Variants in IL1RAPL2 observed in about 807,000 individuals in gnomAD.
IL1RAPL2 encodes the protein interleukin 1 receptor accessory protein like 2.
Under a neutral mutation model 44.1 loss-of-function variants are expected in IL1RAPL2, and 3 were observed. The observed-to-expected ratio is 0.07, with a 90% CI of 0.03 to 0.18. The LOEUF is 0.18. Ranked by LOEUF, IL1RAPL2 falls within the 10% of genes least tolerant of loss-of-function variation. The pLI, the probability that IL1RAPL2 is intolerant of heterozygous loss-of-function variation, is 1.00. For synonymous variants in IL1RAPL2, 181 were observed against 178.8 expected, an observed-to-expected ratio of 1.01 and a Z score of -0.10; for missense variants, 391 against 496.4, an observed-to-expected ratio of 0.79 and a Z score of 2.02.
intron 2 of IL1RAPL2, among the ~76,000 whole-genome samples, chrX:104,776,546 A>C (rs1031562400): frequency 8.9e-6 from 1 of 111,757 alleles, no homozygotes; most frequent in Non-Finnish European, 1.9e-5. Flanking sequence ...AGGATTAATT[A>C]GATTAAAGAA....
intron 2 of IL1RAPL2, among the ~76,000 whole-genome samples, chrX:104,821,388 C>A (rs974803623): frequency 1.6e-4 from 18 of 110,784 alleles, no homozygotes; most frequent in African/African-American, 5.9e-4. Flanking sequence ...AATGCTGTCC[C>A]TCCCCTTGCC....
rs1488212375 is a variant in IL1RAPL2, at chrX:105,199,078, T to C, written c.356+3330T>C. 4.5e-5 allele frequency among the ~76,000 whole-genome samples: 5 copies of C among 111,804 alleles called. No individual in the cohort carries two copies. In the South Asian group the frequency reaches 1.8e-3, roughly 41 times the overall value. On this transcript the variant is annotated intron_variant, in intron 3 of 10. Transcript: ENST00000372582. ...ACTTAAGAAGAAATATCTACATAAA[T>C]TATTTCAAATTCTTCTGCATGGAAA...
At chrX:104,973,905 T>A (rs937824307) in intron 2 of IL1RAPL2, among the ~76,000 whole-genome samples, 2 of 112,163 alleles carry the variant, frequency 1.8e-5, no homozygotes, top group Non-Finnish European at 3.8e-5. Flanking sequence ...TTGCAAAAAA[T>A]ATATTTTCTG....
rs548537617 is a variant in IL1RAPL2, at chrX:105,761,645, A to T, written c.1364-5319A>T. Among the ~76,000 whole-genome samples the T allele has an allele frequency of 1.1e-4, 12 of 111,889 alleles. No individual in the cohort carries two copies. The South Asian group carries it at 1.9e-3, about 18-fold the overall frequency. ...TATAAATTAGCTAACGTTCACCAAA[A>T]ATTAATGGAGTATTATCTGTTTTGA... On this transcript the variant is annotated intron_variant, in intron 10 of 10. Transcript: ENST00000372582.
At chrX:105,074,185 T>G (rs2032253301) in intron 2 of IL1RAPL2, among the ~76,000 whole-genome samples, 1 of 112,146 alleles carries the variant, frequency 8.9e-6, no homozygotes, top group South Asian at 3.7e-4. Flanking sequence ...GTCTAACATT[T>G]AAGTCTTCAA....
At position 104,904,404 on chromosome X, in the gene IL1RAPL2, A is replaced by C. The variant is rs1463206506; in HGVS notation, c.82+245409A>C. 3.9e-5 allele frequency among the ~76,000 whole-genome samples: 4 copies of C among 103,118 alleles called. No homozygotes were observed. In the East Asian group the frequency reaches 1.0e-3, roughly 26 times the overall value. 89.5% of individuals were successfully genotyped at this position (103,118 alleles called of 115,157 possible). On this transcript the variant is annotated intron_variant, in intron 2 of 10. Transcript: ENST00000372582. ...GCCATGCTGGTGCGCTGCACCCACT[A>C]ACTTGTCATCTAGCATTAGGTATAT...
chrX:105,568,500 G>A (rs751843332), intron 6 of IL1RAPL2, among the ~76,000 whole-genome samples: 1 of 111,952 alleles, frequency 8.9e-6, no homozygotes, highest in African/African-American at 3.2e-5. Flanking sequence ...CACCCCTGGT[G>A]TAGCTGATGG....
intron 2 of IL1RAPL2, among the ~76,000 whole-genome samples, chrX:104,889,478 C>A (rs1341730426): frequency 8.9e-6 from 1 of 111,795 alleles, no homozygotes; most frequent in Non-Finnish European, 1.9e-5. Flanking sequence ...GTCTACCCAG[C>A]CAAGGTATAT....
At position 105,480,912 on chromosome X, in the gene IL1RAPL2, A is replaced by G. The variant is rs2036229211; in HGVS notation, c.698-3401A>G. 7.1e-5 allele frequency among the ~76,000 whole-genome samples: 8 copies of G among 111,975 alleles called. No individual in the cohort carries two copies. In the South Asian group the frequency reaches 3.0e-3, roughly 42 times the overall value. The stretch of plus-strand genomic sequence containing the variant: ...TCATCACAAATGTTCTGCACTTCTT[A>G]GCAATTCTCAGGCCTAAACATGATA... On this transcript the variant is annotated intron_variant, in intron 5 of 10. Coordinates refer to ENST00000372582, the MANE Select transcript of IL1RAPL2 (RefSeq NM_017416.2).
At chrX:104,658,340 T>C (rs1317153783) in intron 1 of IL1RAPL2, among the ~76,000 whole-genome samples, 3 of 111,880 alleles carry the variant, frequency 2.7e-5, no homozygotes, top group Non-Finnish European at 5.6e-5. Flanking sequence ...CTGGAAACCA[T>C]CATTCTGAGC....
intron 2 of IL1RAPL2, among the ~76,000 whole-genome samples, chrX:104,854,237 C>T (rs1032052269): frequency 3.6e-5 from 4 of 111,469 alleles, no homozygotes; most frequent in Admixed American, 2.9e-4. Flanking sequence ...TGACTACATT[C>T]AGCTTTTCAG....
At chrX:105,360,437 C>T (rs1033141378) in intron 5 of IL1RAPL2, among the ~76,000 whole-genome samples, 2 of 110,934 alleles carry the variant, frequency 1.8e-5, no homozygotes, top group South Asian at 3.8e-4. Flanking sequence ...ATAGAGTGTA[C>T]GTTCTAGAGA....
intron 6 of IL1RAPL2, among the ~76,000 whole-genome samples, chrX:105,496,708 A>G (rs1224656431): frequency 1.8e-5 from 2 of 112,210 alleles, no homozygotes; most frequent in Non-Finnish European, 3.8e-5. Context: ...AGCTAGATCA[A>G]TAGTGAATAA....
At chrX:105,031,783 C>CTTTTTCAA (rs201732254) in intron 2 of IL1RAPL2, among the ~76,000 whole-genome samples, 1,960 of 111,711 alleles carry the variant, frequency 0.018, 49 homozygotes, top group African/African-American at 0.061. Flanking sequence ...AGGATTCCCT[C>CTTTTTCAA]TTTTTCAATT....
intron 2 of IL1RAPL2, among the ~76,000 whole-genome samples, chrX:105,064,084 A>G (rs938001242): frequency 1.8e-5 from 2 of 111,995 alleles, no homozygotes; most frequent in Non-Finnish European, 3.8e-5. Context: ...GGGCTCTACA[A>G]TCACCAGGTG....
intron 2 of IL1RAPL2, among the ~76,000 whole-genome samples, chrX:104,724,277 T>C (rs1251802415): frequency 9.0e-6 from 1 of 110,598 alleles, no homozygotes; most frequent in African/African-American, 3.3e-5. Flanking sequence ...TGGCAAAATA[T>C]GAGAGGTTAA....
At chrX:105,386,501 A>T (rs1456431670) in intron 5 of IL1RAPL2, among the ~76,000 whole-genome samples, 2 of 111,726 alleles carry the variant, frequency 1.8e-5, no homozygotes, top group Non-Finnish European at 3.8e-5. Flanking sequence ...ATTTATATAC[A>T]GTACTACTTT....
chrX:105,235,081 A>G (rs1466192091), intron 4 of IL1RAPL2, among the ~76,000 whole-genome samples: 1 of 111,477 alleles, frequency 9.0e-6, no homozygotes, highest in Non-Finnish European at 1.9e-5. Context: ...TTTATTTGCT[A>G]GTTGCTTCCC....
intron 5 of IL1RAPL2, among the ~76,000 whole-genome samples, chrX:105,453,538 T>A (rs1487378208): frequency 2.7e-5 from 3 of 110,390 alleles, no homozygotes; most frequent in African/African-American, 1.0e-4. Context: ...GATTTTGTAT[T>A]TCCAAAAAAT....
Sources: allele counts gnomAD v4.1 joint callset (sites outside exome capture counted in the v4.1 genomes callset), GRCh38; gene constraint gnomAD v4.1.1; transcripts MANE v1.5; gene names NCBI Gene and HGNC (gene_info 2026-07-23, HGNC 2026-07-21).